BACE2: variants seen among roughly 807,000 people sequenced by gnomAD.
BACE2 encodes the protein beta-secretase 2.
In BACE2, 17 loss-of-function variants were observed where a neutral mutation model predicts 46.2. That is an observed-to-expected ratio of 0.37 (90% CI 0.25 to 0.55). The LOEUF is 0.55. Ranked by LOEUF, BACE2 falls within the 20% of genes least tolerant of loss-of-function variation. The probability of loss-of-function intolerance (pLI) is 0.82; values close to 1 mark genes in which losing one functional copy is unlikely to be tolerated. For missense variants in BACE2, 595 were observed against 698.1 expected, an observed-to-expected ratio of 0.85 and a Z score of 1.66; for synonymous variants, 277 against 295.9, an observed-to-expected ratio of 0.94 and a Z score of 0.66.
chr21:41,196,829 G>A (rs1439557364), intron 1 of BACE2, among the ~76,000 whole-genome samples: 1 of 152,202 alleles, frequency 6.6e-6, no homozygotes, highest in African/African-American at 2.4e-5. Context: ...CAGAGGTCTG[G>A]GGTCTAGGGA....
intron 1 of BACE2, among the ~76,000 whole-genome samples, chr21:41,225,233 CAAAA>C (rs145113710): frequency 1.7e-5 from 2 of 119,164 alleles, no homozygotes; most frequent in Admixed American, 8.8e-5. Flanking sequence ...GACTCCATCT[CAAAA>C]AAAAAAAAAA....
chr21:41,235,041 G>T (rs1161221597), intron 2 of BACE2, among the ~76,000 whole-genome samples: 1 of 152,134 alleles, frequency 6.6e-6, no homozygotes, highest in Non-Finnish European at 1.5e-5. Context: ...GTTAGAATCA[G>T]CTGTTTCCCC....
chr21:41,235,190 A>G (rs1987081799), intron 2 of BACE2, among the ~76,000 whole-genome samples: 1 of 152,176 alleles, frequency 6.6e-6, no homozygotes, highest in Non-Finnish European at 1.5e-5. Context: ...GGCCACTGTT[A>G]ATATTTGAGT....
intron 2 of BACE2, among the ~76,000 whole-genome samples, chr21:41,232,598 G>A (rs76565798): frequency 0.014 from 2,140 of 152,100 alleles, 34 homozygotes; most frequent in African/African-American, 0.044. Context: ...TTCTTGCTCC[G>A]TTAGTTCACA....
At chr21:41,230,618 T>G (rs548551892) in intron 2 of BACE2, among the ~76,000 whole-genome samples, 2 of 152,350 alleles carry the variant, frequency 1.3e-5, no homozygotes, top group South Asian at 2.1e-4. Flanking sequence ...TGTCCGCCTC[T>G]GATTCACGTC....
chr21:41,230,422 A>T (rs1380137122), intron 2 of BACE2, among the ~76,000 whole-genome samples: 1 of 152,216 alleles, frequency 6.6e-6, no homozygotes, highest in African/African-American at 2.4e-5. Context: ...CTTTCGTGTA[A>T]CTTTAGAGCT....
At chr21:41,197,213 G>C (rs73222252) in intron 1 of BACE2, among the ~76,000 whole-genome samples, 3 of 150,842 alleles carry the variant, frequency 2.0e-5, no homozygotes, top group South Asian at 2.1e-4. Context: ...TCCCACCTTC[G>C]CCTCCCGAAG....
At chr21:41,202,978 TGGA>T (rs750879139) in intron 1 of BACE2, among the ~76,000 whole-genome samples, 8 of 152,146 alleles carry the variant, frequency 5.3e-5, no homozygotes, top group Non-Finnish European at 1.2e-4. Flanking sequence ...ATTGTTTTGG[TGGA>T]GAAGTTACTG....
intron 8 of BACE2, among the ~76,000 whole-genome samples, chr21:41,258,971 G>C (rs1987860770): frequency 2.6e-5 from 4 of 152,116 alleles, no homozygotes. Flanking sequence ...AACTGTGACT[G>C]TTTTACTTCT....
At chr21:41,257,361 C>T in intron 8 of BACE2, 35 bp downstream of exon 8, 2 of 1,605,794 alleles carry the variant, frequency 1.2e-6, no homozygotes, top group Non-Finnish European at 1.7e-6. Context: ...GGATCCCCGA[C>T]AAGAGTCCTT....
At chr21:41,210,765 C>A (rs962262078) in intron 1 of BACE2, among the ~76,000 whole-genome samples, 6 of 152,172 alleles carry the variant, frequency 3.9e-5, no homozygotes, top group Non-Finnish European at 8.8e-5. Flanking sequence ...CATTTAGGGC[C>A]TAACTGTGAT....
intron 1 of BACE2, chr21:41,176,844 G>C (rs916692705): frequency 6.6e-6 from 1 of 152,204 alleles, no homozygotes. Context: ...GAAAGGCAAA[G>C]TGAAAAAGAC....
intron 1 of BACE2, among the ~76,000 whole-genome samples, chr21:41,216,596 T>TGTGAGAAGC (rs1986474717): frequency 6.6e-6 from 1 of 152,098 alleles, no homozygotes; most frequent in Non-Finnish European, 1.5e-5. Context: ...GGTCTGGGCG[T>TGTGAGAAGC]GTGAGAACGA....
chr21:41,221,165 T>C (rs1418271476), intron 1 of BACE2, among the ~76,000 whole-genome samples: 1 of 152,186 alleles, frequency 6.6e-6, no homozygotes, highest in Non-Finnish European at 1.5e-5. Flanking sequence ...ATGATCTTCA[T>C]TGGTCGGGAG....
At chr21:41,248,233 G>A (rs2837991) in intron 6 of BACE2, among the ~76,000 whole-genome samples, 37,635 of 152,090 alleles carry the variant, frequency 0.25, 5,263 homozygotes, top group African/African-American at 0.39. Context: ...CTTGAAAATG[G>A]CTTCTAACTT....
At chr21:41,247,791 C>T (rs1010836943) in intron 6 of BACE2, among the ~76,000 whole-genome samples, 1 of 152,202 alleles carries the variant, frequency 6.6e-6, no homozygotes, top group Non-Finnish European at 1.5e-5. Context: ...TCATTCGGTG[C>T]CTGCGTCAGG....
chr21:41,171,194 T>A (rs1984596230), intron 1 of BACE2, among the ~76,000 whole-genome samples: 1 of 152,216 alleles, frequency 6.6e-6, no homozygotes, highest in Non-Finnish European at 1.5e-5. Flanking sequence ...AACTGGACCC[T>A]CCGGAACTCC....
intron 1 of BACE2, chr21:41,176,314 G>T (rs1195950285): frequency 6.6e-6 from 1 of 152,188 alleles, no homozygotes; most frequent in Non-Finnish European, 1.5e-5. Context: ...ACTTGGAGTC[G>T]TTGCTTCTTT....
chr21:41,242,224 G>C (rs1156294144), intron 4 of BACE2, among the ~76,000 whole-genome samples: 1 of 152,060 alleles, frequency 6.6e-6, no homozygotes, highest in South Asian at 2.1e-4. Flanking sequence ...TTCTGTGGGT[G>C]GGGGAGGGAC....
Sources: gnomAD v4.1 joint callset for allele counts (sites outside exome capture counted in the v4.1 genomes callset) on GRCh38, gnomAD v4.1.1 for gene constraint, MANE v1.5 for transcripts, NCBI Gene and HGNC (gene_info 2026-07-23, HGNC 2026-07-21) for gene names.